The following PHKA1 variants were observed in gnomAD, a reference collection of about 807,000 sequenced individuals.
PHKA1 encodes phosphorylase kinase regulatory subunit alpha 1, also known as phosphorylase b kinase regulatory subunit alpha, skeletal muscle isoform.
Under a neutral mutation model 110.2 loss-of-function variants are expected in PHKA1, and 60 were observed. The ratio of observed to expected loss-of-function variants is 0.54; its 90% CI spans 0.44 to 0.68. PHKA1 has a LOEUF of 0.68. Ranked by LOEUF, PHKA1 falls within the 30% of genes least tolerant of loss-of-function variation. The probability of loss-of-function intolerance (pLI) is 0.00; values close to 1 mark genes in which losing one functional copy is unlikely to be tolerated. For synonymous variants in PHKA1, 316 were observed against 333.6 expected, an observed-to-expected ratio of 0.95 and a Z score of 0.58; for missense variants, 801 against 942.5, an observed-to-expected ratio of 0.85 and a Z score of 1.97.
intron 28 of PHKA1, among the ~76,000 whole-genome samples, chrX:72,595,430 T>TG (rs1301396295): frequency 1.8e-5 from 2 of 110,779 alleles, no homozygotes; most frequent in Non-Finnish European, 3.8e-5. Flanking sequence ...CAACATTTTA[T>TG]GGGGGGCCTG....
chrX:72,651,114 T>C (rs1238696328), intron 12 of PHKA1, among the ~76,000 whole-genome samples: 1 of 112,397 alleles, frequency 8.9e-6, no homozygotes, highest in Admixed American at 9.4e-5. Context: ...ATCAGTAATT[T>C]AAGCCATTAG....
chrX:72,614,728 C>T lies in PHKA1; in HGVS notation c.2370-3544G>A, dbSNP rs141677052. Among the ~76,000 whole-genome samples, 58 of 111,199 alleles carry T rather than the reference C, an allele frequency of 5.2e-4. No homozygotes were observed. In the East Asian group the frequency reaches 0.016, roughly 32 times the overall value. On this transcript the variant is annotated intron_variant, in intron 21 of 31. Coordinates refer to ENST00000373542, the MANE Select transcript of PHKA1 (RefSeq NM_002637.4). Reference sequence around the variant, plus strand: ...CAAATCATAGAGGATTTAGATTTGGCCAATGATTCCCTGTGGTAGTGTTGA... The same window carrying T: ...CAAATCATAGAGGATTTAGATTTGGTCAATGATTCCCTGTGGTAGTGTTGA...
At chrX:72,610,300 A>G (rs184082767) in intron 22 of PHKA1, among the ~76,000 whole-genome samples, 1 of 111,214 alleles carries the variant, frequency 9.0e-6, no homozygotes, top group African/African-American at 3.3e-5. Context: ...AGCTTCTAGT[A>G]TCCATCATTC....
At chrX:72,712,395 T>C (rs1244575906) in intron 2 of PHKA1, 2 of 198,542 alleles carry the variant, frequency 1.0e-5, no homozygotes, top group Non-Finnish European at 1.8e-5. Flanking sequence ...AACACCACAA[T>C]TTTTAAAAAT....
chrX:72,708,883 G>T (rs1441518776), intron 2 of PHKA1, among the ~76,000 whole-genome samples: 1 of 111,844 alleles, frequency 8.9e-6, no homozygotes, highest in Non-Finnish European at 1.9e-5. Context: ...AAACTTAGTT[G>T]GCCTAGTATT....
intron 3 of PHKA1, among the ~76,000 whole-genome samples, chrX:72,697,629 T>A (rs1287983565): frequency 4.6e-5 from 5 of 108,992 alleles, no homozygotes; most frequent in African/African-American, 1.3e-4. Context: ...TTGACTAAAA[T>A]AGTTATCGCA....
intron 5 of PHKA1, among the ~76,000 whole-genome samples, chrX:72,678,520 T>C (rs1556312856): frequency 8.9e-6 from 1 of 111,884 alleles, no homozygotes; most frequent in African/African-American, 3.3e-5. Context: ...TACAGAAATA[T>C]CAATAATTCT....
At chrX:72,676,682 C>G in intron 5 of PHKA1, among the ~76,000 whole-genome samples, 1 of 112,084 alleles carries the variant, frequency 8.9e-6, no homozygotes, top group South Asian at 3.7e-4. Context: ...TAATAAGTGA[C>G]AGAGCCAGGA....
At chrX:72,672,217 C>T (rs1437389562) in intron 6 of PHKA1, among the ~76,000 whole-genome samples, 1 of 111,956 alleles carries the variant, frequency 8.9e-6, no homozygotes, top group Non-Finnish European at 1.9e-5. Context: ...GTCCTGGGCA[C>T]AGCCCATAAA....
intron 6 of PHKA1, 75 bp from the exon 7 acceptor site, chrX:72,667,548 T>C: frequency 1.4e-6 from 1 of 717,305 alleles, no homozygotes; most frequent in Non-Finnish European, 2.2e-6. Context: ...TATCCCAGTA[T>C]CTTATCAACA....
At chrX:72,632,472 C>A (rs182174608) in intron 16 of PHKA1, among the ~76,000 whole-genome samples, 1 of 111,424 alleles carries the variant, frequency 9.0e-6, no homozygotes, top group Admixed American at 9.5e-5. Context: ...ATTAATACTG[C>A]GACCACTGCT....
chrX:72,655,143 C>T (rs2053477030), intron 10 of PHKA1, among the ~76,000 whole-genome samples: 1 of 111,397 alleles, frequency 9.0e-6, no homozygotes, highest in Admixed American at 9.4e-5. Flanking sequence ...TGTGGTGGCT[C>T]ATGCCTGTAA....
rs147590078 is a variant in PHKA1 at position 72,644,522 on chromosome X, C to T, written c.1325-26G>A. 1,376 of 1,184,205 alleles carry T rather than the reference C, an allele frequency of 1.2e-3. 16 individuals carry two copies. The African/African-American group carries it at 0.022, about 19-fold the overall frequency. On this transcript the variant is annotated intron_variant, in intron 13 of 31. Transcript: ENST00000373542. The stretch of plus-strand genomic sequence containing the variant: ...CTAGAGGAGACAAAGAAGATGAGGT[C>T]AACAGAAAATTTTATTTCAATAGCA...
chrX:72,670,187 G>C (rs1162558567), intron 6 of PHKA1, among the ~76,000 whole-genome samples: 2 of 111,729 alleles, frequency 1.8e-5, no homozygotes, highest in East Asian at 5.6e-4. Context: ...CTTTTGAGAA[G>C]TGTCTGTTCA....
At chrX:72,713,728 C>T in intron 1 of PHKA1, 75 bp downstream of exon 1, 1 of 801,062 alleles carries the variant, frequency 1.2e-6, no homozygotes, top group Non-Finnish European at 1.9e-6. Context: ...GCACGGAGTT[C>T]ATCCAAGGTC....
At chrX:72,710,907 G>A (rs1452432851) in intron 2 of PHKA1, among the ~76,000 whole-genome samples, 2 of 104,267 alleles carry the variant, frequency 1.9e-5, no homozygotes, top group Non-Finnish European at 3.9e-5. Context: ...TGTCGCCCAG[G>A]CTGGAGTGCA....
chrX:72,587,248 T>C (rs1556215079), intron 29 of PHKA1, among the ~76,000 whole-genome samples: 1 of 111,571 alleles, frequency 9.0e-6, no homozygotes, highest in Non-Finnish European at 1.9e-5. Context: ...GCAGAAACTC[T>C]ACAAGCCAGA....
intron 28 of PHKA1, among the ~76,000 whole-genome samples, chrX:72,600,020 C>G (rs781922575): frequency 2.7e-5 from 3 of 110,763 alleles, no homozygotes; most frequent in Non-Finnish European, 5.7e-5. Context: ...TAGCTTTACC[C>G]TAGAAGCCAT....
At chrX:72,704,023 C>T (rs1258158845) in intron 3 of PHKA1, among the ~76,000 whole-genome samples, 2 of 112,040 alleles carry the variant, frequency 1.8e-5, no homozygotes, top group Non-Finnish European at 3.8e-5. Context: ...CTAAAAAATT[C>T]GCAATGCATA....
Sources: gnomAD v4.1 joint callset for allele counts (sites outside exome capture counted in the v4.1 genomes callset) on GRCh38, gnomAD v4.1.1 for gene constraint, MANE v1.5 for transcripts, NCBI Gene and HGNC (gene_info 2026-07-23, HGNC 2026-07-21) for gene names.